ATP1B1: variants seen among roughly 807,000 people sequenced by gnomAD.
ATP1B1 encodes the protein sodium/potassium-transporting ATPase subunit beta-1.
A neutral mutation model predicts 39.6 loss-of-function variants in ATP1B1; 3 were observed. The ratio of observed to expected loss-of-function variants is 0.08; its 90% CI spans 0.03 to 0.20. The LOEUF is 0.20. Ranked by LOEUF, ATP1B1 falls within the 10% of genes least tolerant of loss-of-function variation. The pLI, the probability that ATP1B1 is intolerant of heterozygous loss-of-function variation, is 1.00. For synonymous variants in ATP1B1, 139 were observed against 135.0 expected (o/e 1.03, Z -0.20); for missense variants, 216 against 371.1 (o/e 0.58, Z 3.43).
intron 2 of ATP1B1, among the ~76,000 whole-genome samples, chr1:169,112,119 C>T (rs1370817081): frequency 6.6e-6 from 1 of 152,232 alleles, no homozygotes; most frequent in African/African-American, 2.4e-5. Context: ...ATTTAATAAG[C>T]ATCTCATTTG....
intron 2 of ATP1B1, among the ~76,000 whole-genome samples, chr1:169,115,642 C>A (rs1368945327): frequency 1.3e-5 from 2 of 152,164 alleles, no homozygotes; most frequent in African/African-American, 2.4e-5. Context: ...AGCCACCGCA[C>A]CTGGTCCAGG....
At chr1:169,128,478 G>T (rs1358588472) in intron 4 of ATP1B1, among the ~76,000 whole-genome samples, 1 of 152,190 alleles carries the variant, frequency 6.6e-6, no homozygotes, top group Non-Finnish European at 1.5e-5. Context: ...AGGCAAAAAT[G>T]AGTAGGTGGG....
chr1:169,123,400 G>A (rs1049710423), intron 2 of ATP1B1, among the ~76,000 whole-genome samples: 1 of 151,856 alleles, frequency 6.6e-6, no homozygotes, highest in Non-Finnish European at 1.5e-5. Flanking sequence ...GACCTGCTGG[G>A]AGGTGGGGGT....
intron 2 of ATP1B1, among the ~76,000 whole-genome samples, chr1:169,114,326 G>C (rs1657795375): frequency 6.6e-6 from 1 of 152,202 alleles, no homozygotes. Flanking sequence ...TAGTTAAAGA[G>C]GGAAAATTGT....
In ATP1B1 at chr1:169,131,309, T is replaced by G; in HGVS notation, c.666T>G (p.Asp222Glu). The G allele has an allele frequency of 1.9e-6, 3 of 1,613,798 alleles. No homozygotes were observed. Among genetic ancestry groups the G allele is most frequent in the Non-Finnish European group, 2.5e-6 (3 of 1,179,840 alleles). The change falls in exon 6 of 6, where the codon GAT (aspartate) becomes GAG (glutamate). Residue 222 changes from aspartate (D) to glutamate (E), a missense_variant. Physicochemically the swap from Asp to Glu is conservative, Grantham distance 45 (BLOSUM62 2). Transcript: ENST00000367815. This position sits in a 1 kb window ranked among gnomAD's most constrained non-coding sequence, Gnocchi z 4.4. ...QCTGKRDEDK[D>E]KVGNVEYFGL... is the part of the protein sequence containing the mutation. Reference sequence around the variant, plus strand: ...GATTTCAGCGAGATGAAGATAAGGATAAAGTTGGAAATGTGGAGTATTTTG... The same window carrying G: ...GATTTCAGCGAGATGAAGATAAGGAGAAAGTTGGAAATGTGGAGTATTTTG...
chr1:169,114,976 A>G (rs986249152), intron 2 of ATP1B1, among the ~76,000 whole-genome samples: 10 of 152,070 alleles, frequency 6.6e-5, no homozygotes, highest in African/African-American at 2.4e-4. Context: ...TGAGGTCAGG[A>G]GATCGAGACC....
intron 2 of ATP1B1, among the ~76,000 whole-genome samples, chr1:169,119,967 A>G (rs1017020599): frequency 6.6e-6 from 1 of 151,950 alleles, no homozygotes; most frequent in Non-Finnish European, 1.5e-5. Flanking sequence ...TAGTTGCTTT[A>G]GAGAAATAAC....
chr1:169,120,684 T>G (rs1657960005), intron 2 of ATP1B1, among the ~76,000 whole-genome samples: 1 of 152,238 alleles, frequency 6.6e-6, no homozygotes, highest in South Asian at 2.1e-4. Context: ...TGCATCTATG[T>G]TTCCCTCACA....
intron 1 of ATP1B1, chr1:169,110,756 C>T: frequency 1.8e-6 from 2 of 1,105,484 alleles, no homozygotes; most frequent in African/African-American, 1.6e-5. Flanking sequence ...GTCTTGTCCT[C>T]CGAGGGGAAA....
At chr1:169,109,781 G>C (rs141526148) in intron 1 of ATP1B1, among the ~76,000 whole-genome samples, 1 of 151,528 alleles carries the variant, frequency 6.6e-6, no homozygotes, top group East Asian at 1.9e-4. Flanking sequence ...GTGGGGGTGG[G>C]GGGCAGCAAG....
chr1:169,115,156 G>A (rs1401635329), intron 2 of ATP1B1, among the ~76,000 whole-genome samples: 1 of 142,296 alleles, frequency 7.0e-6, no homozygotes, highest in Non-Finnish European at 1.5e-5. Context: ...TTGCACTCCA[G>A]CCTGGGTGAC....
At chr1:169,126,600 A>G (rs1658091073) in intron 3 of ATP1B1, among the ~76,000 whole-genome samples, 1 of 151,828 alleles carries the variant, frequency 6.6e-6, no homozygotes, top group Non-Finnish European at 1.5e-5. Flanking sequence ...AGTCCCAGCT[A>G]CTCAGGATGC....
chr1:169,112,941 T>C (rs371393378), intron 2 of ATP1B1, among the ~76,000 whole-genome samples: 6 of 152,142 alleles, frequency 3.9e-5, no homozygotes, highest in East Asian at 3.9e-4. Flanking sequence ...CATTGTGTCT[T>C]TTCATGTCCT....
chr1:169,128,215 G>T (rs182278347), intron 4 of ATP1B1, among the ~76,000 whole-genome samples: 1 of 152,022 alleles, frequency 6.6e-6, no homozygotes, highest in African/African-American at 2.4e-5. Context: ...CTAATCACCC[G>T]TATATGAGCG....
intron 3 of ATP1B1, among the ~76,000 whole-genome samples, chr1:169,126,079 T>G (rs35152438): frequency 1.3e-5 from 2 of 151,908 alleles, no homozygotes; most frequent in African/African-American, 4.8e-5. Context: ...TCCAGTTCTT[T>G]ATAAGGCAGG....
At chr1:169,111,995 G>A (rs1280542690) in intron 2 of ATP1B1, among the ~76,000 whole-genome samples, 1 of 152,188 alleles carries the variant, frequency 6.6e-6, no homozygotes. Flanking sequence ...GGAATGGGCA[G>A]CTACTCACAG....
At chr1:169,124,130 A>C (rs544634682) in intron 2 of ATP1B1, among the ~76,000 whole-genome samples, 50 of 152,328 alleles carry the variant, frequency 3.3e-4, no homozygotes, top group African/African-American at 1.2e-3. Context: ...TGTGGTTCAC[A>C]TACCCATCTA....
At chr1:169,109,783 G>A (rs951739171) in intron 1 of ATP1B1, among the ~76,000 whole-genome samples, 3 of 151,560 alleles carry the variant, frequency 2.0e-5, no homozygotes, top group African/African-American at 4.9e-5. Flanking sequence ...GGGGGTGGGG[G>A]GCAGCAAGAG....
At chr1:169,130,154 A>G in intron 5 of ATP1B1, 64 bp downstream of exon 5, 4 of 1,398,034 alleles carry the variant, frequency 2.9e-6, no homozygotes, top group Non-Finnish European at 4.0e-6. Context: ...GGGAGAATGA[A>G]GAAGACTGTT....
Sources: allele counts gnomAD v4.1 joint callset (sites outside exome capture counted in the v4.1 genomes callset), GRCh38; gene constraint gnomAD v4.1.1; non-coding constraint Gnocchi (gnomAD v3.1); transcripts MANE v1.5; gene names NCBI Gene and HGNC (gene_info 2026-07-23, HGNC 2026-07-21).